Variants in ANO3 observed in about 807,000 individuals in gnomAD.
The protein encoded by ANO3 is anoctamin-3.
Under a neutral mutation model 144.8 loss-of-function variants are expected in ANO3, and 99 were observed. That is an observed-to-expected ratio of 0.68 (90% CI 0.58 to 0.81). The LOEUF (loss-of-function observed/expected upper bound fraction) is 0.81. ANO3 is among the 30% of genes least tolerant of loss of function. ANO3 has a pLI of 0.00. For synonymous variants in ANO3, 414 were observed against 392.6 expected (o/e 1.05, Z -0.64); for missense variants, 905 against 1,202.2 (o/e 0.75, Z 3.66).
chr11:26,283,317 AATAAATATATATATATATAT>A lies in ANO3; in HGVS notation c.155-26324_155-26305del, dbSNP rs1452945345. ...CATATCTTACCAAAATAAACAAATA[AATAAATATATATATATATAT>A]ATATATATATATATATATATATATA... On this transcript the variant is annotated intron_variant, in intron 1 of 27. Transcript: ENST00000672621. 1.7e-3 allele frequency among the ~76,000 whole-genome samples: 132 copies of A among 77,590 alleles called. 5 individuals carry two copies. The East Asian group carries it at 0.019, about 11-fold the overall frequency. The allele number at this position is 77,590 out of a possible 152,430, so 50.9% of individuals were successfully genotyped here.
chr11:26,359,038 G>T (rs143125303), intron 1 of ANO3, among the ~76,000 whole-genome samples: 1 of 152,188 alleles, frequency 6.6e-6, no homozygotes, highest in East Asian at 1.9e-4. Flanking sequence ...ATATCTGTTA[G>T]TTCTGGTTCA....
Position 26,266,510 on chromosome 11 carries a change from T to C in ANO3, c.155-43135T>C, listed in dbSNP as rs574129234. On this transcript the variant is annotated intron_variant, in intron 1 of 27. Coordinates refer to the ANO3 transcript ENST00000672621. ...GTGCAGTGGCGCAATCTCGGCTCAC[T>C]GCAACCTCTGCCTCCCGGGTTCAAG... 1.9e-3 allele frequency among the ~76,000 whole-genome samples: 280 copies of C among 150,422 alleles called. 1 individual carries two copies. The highest frequency in any genetic ancestry group is 6.0e-3 in the African/African-American group (244 of 40,818).
At chr11:26,376,286 C>T (rs1407907040) in intron 1 of ANO3, among the ~76,000 whole-genome samples, 1 of 151,986 alleles carries the variant, frequency 6.6e-6, no homozygotes, top group African/African-American at 2.4e-5. Flanking sequence ...TAACAGTCAC[C>T]TTAACAGACC....
intron 1 of ANO3, among the ~76,000 whole-genome samples, chr11:26,335,688 C>T (rs1206839016): frequency 6.6e-6 from 1 of 152,160 alleles, no homozygotes; most frequent in African/African-American, 2.4e-5. Flanking sequence ...AGGGACTGTG[C>T]TTAATAATAG....
intron 1 of ANO3, among the ~76,000 whole-genome samples, chr11:26,242,754 T>G (rs1852689129): frequency 6.6e-6 from 1 of 152,190 alleles, no homozygotes; most frequent in Non-Finnish European, 1.5e-5. Context: ...ATCCCGAAAG[T>G]GTGCATTAAA....
At chr11:26,360,855 T>C (rs7950410) in intron 1 of ANO3, among the ~76,000 whole-genome samples, 124,190 of 152,176 alleles carry the variant, frequency 0.82, 50,822 homozygotes, top group East Asian at 0.98. Context: ...TTAGTGGAGT[T>C]TGGAGGATAG....
intron 7 of ANO3, among the ~76,000 whole-genome samples, chr11:26,530,419 TA>T (rs11350964): frequency 0.76 from 114,419 of 151,520 alleles, 43,569 homozygotes; most frequent in East Asian, 0.85. Flanking sequence ...CTGTTTGTTT[TA>T]AAAAAAAGCA....
intron 1 of ANO3, among the ~76,000 whole-genome samples, chr11:26,385,481 CT>C (rs1856699153): frequency 3.3e-5 from 5 of 152,198 alleles, no homozygotes; most frequent in Admixed American, 3.3e-4. Flanking sequence ...GGAAAAAAAT[CT>C]TTTTTCTTGC....
At chr11:26,507,296 G>A (rs1482281783) in intron 4 of ANO3, among the ~76,000 whole-genome samples, 1 of 152,192 alleles carries the variant, frequency 6.6e-6, no homozygotes, top group African/African-American at 2.4e-5. Flanking sequence ...GTTTTCAAAG[G>A]ATTCCCATGG....
chr11:26,484,382 G>C (rs993176300), intron 4 of ANO3, among the ~76,000 whole-genome samples: 1 of 152,110 alleles, frequency 6.6e-6, no homozygotes, highest in African/African-American at 2.4e-5. Context: ...TGGCTAAAAG[G>C]CCCCATATAT....
chr11:26,642,155 C>T, intron 22 of ANO3, 126 bp downstream of exon 22: 1 of 1,000,520 alleles, frequency 1.0e-6, no homozygotes. Context: ...TAAAACACGT[C>T]TGCACCTTCA....
At chr11:26,558,064 C>G (rs1027351835) in intron 13 of ANO3, among the ~76,000 whole-genome samples, 1 of 152,144 alleles carries the variant, frequency 6.6e-6, no homozygotes, top group Non-Finnish European at 1.5e-5. Context: ...AACTTTATCT[C>G]AGGAAGATGT....
intron 6 of ANO3, among the ~76,000 whole-genome samples, chr11:26,522,022 AAT>A (rs1389096161): frequency 1.3e-5 from 2 of 152,106 alleles, no homozygotes; most frequent in African/African-American, 4.8e-5. Flanking sequence ...GTCTCTACTA[AAT>A]ATACAAAAAA....
chr11:26,518,047 G>A (rs1186373649), intron 6 of ANO3, among the ~76,000 whole-genome samples: 2 of 151,868 alleles, frequency 1.3e-5, no homozygotes, highest in Admixed American at 6.6e-5. Context: ...TATGCAAATA[G>A]TTCCTCAAGG....
chr11:26,498,505 A>T (rs117556552), intron 4 of ANO3, among the ~76,000 whole-genome samples: 4,312 of 150,658 alleles, frequency 0.029, 88 homozygotes, highest in Middle Eastern at 0.086. Context: ...ATATAGTCAT[A>T]TATTTGTTAT....
chr11:26,292,107 T>A (rs1853972080), intron 1 of ANO3, among the ~76,000 whole-genome samples: 1 of 152,156 alleles, frequency 6.6e-6, no homozygotes, highest in Non-Finnish European at 1.5e-5. Flanking sequence ...TTTGTTCATT[T>A]CTTTTTATTC....
rs1022676698 is a variant in ANO3, at chr11:26,441,106, G to GTTT, written c.47-785_47-783dup. The stretch of plus-strand genomic sequence containing the variant: ...TGTCTTGATCCCTGCTTGCTGCCCA[G>GTTT]TTTTTTTTTTTTTTTTTTTTTTTTT... On this transcript the variant is annotated intron_variant, in intron 1 of 26. Transcript: ENST00000256737. Among the ~76,000 whole-genome samples, 477 of 86,532 alleles carry GTTT rather than the reference G, an allele frequency of 5.5e-3. 70 individuals carry two copies. The highest frequency in any genetic ancestry group is 0.017 in the African/African-American group (353 of 20,406). The allele number at this position is 86,532 out of a possible 152,430, so 56.8% of individuals were successfully genotyped here.
At chr11:26,229,142 A>C (rs1388602698) in intron 1 of ANO3, among the ~76,000 whole-genome samples, 2 of 152,120 alleles carry the variant, frequency 1.3e-5, no homozygotes, top group East Asian at 3.9e-4. Flanking sequence ...ATATTGGTAG[A>C]AATTTCTCTA....
chr11:26,299,955 G>T (rs909193116), intron 1 of ANO3, among the ~76,000 whole-genome samples: 1 of 152,120 alleles, frequency 6.6e-6, no homozygotes, highest in African/African-American at 2.4e-5. Flanking sequence ...GAGATATAGG[G>T]AGGAGGTGTT....
Sources: allele counts gnomAD v4.1 joint callset (sites outside exome capture counted in the v4.1 genomes callset), GRCh38; gene constraint gnomAD v4.1.1; transcripts MANE v1.5; gene names NCBI Gene and HGNC (gene_info 2026-07-23, HGNC 2026-07-21).